TPTE: variants seen among roughly 807,000 people sequenced by gnomAD.
The protein encoded by TPTE is putative tyrosine-protein phosphatase TPTE.
Under a neutral mutation model 84.1 loss-of-function variants are expected in TPTE, and 59 were observed. The ratio of observed to expected loss-of-function variants is 0.70; its 90% CI spans 0.57 to 0.87. TPTE has a LOEUF of 0.87. TPTE is among the 40% of genes least tolerant of loss of function. TPTE has a pLI of 0.00. For missense variants in TPTE, 382 were observed against 659.6 expected, an observed-to-expected ratio of 0.58 and a Z score of 4.61; for synonymous variants, 130 against 223.5, an observed-to-expected ratio of 0.58 and a Z score of 3.73.
rs558887706 is a variant in TPTE, at chr21:10,549,619, A to G, written c.174-3038A>G. ...AGAAATAATTTCTGAACTTGAAGACAAGTCTTTTGAAATAACACAGACAGG... is the reference window on the plus strand; with the variant it reads ...AGAAATAATTTCTGAACTTGAAGACGAGTCTTTTGAAATAACACAGACAGG... On this transcript the variant is annotated intron_variant, in intron 7 of 23. Transcript: ENST00000618007. Among the ~76,000 whole-genome samples the G allele has an allele frequency of 2.0e-5, 3 of 152,418 alleles. No homozygotes were observed. In the East Asian group the frequency reaches 5.8e-4, roughly 29 times the overall value.
intron 17 of TPTE, among the ~76,000 whole-genome samples, chr21:10,587,786 G>A (rs2075393411): frequency 6.6e-6 from 1 of 152,308 alleles, no homozygotes; most frequent in Non-Finnish European, 1.5e-5. Flanking sequence ...CTGACCTCAG[G>A]TGATCCACCC....
At chr21:10,584,912 G>GTGTA (rs2075335748) in intron 17 of TPTE, among the ~76,000 whole-genome samples, 1 of 152,156 alleles carries the variant, frequency 6.6e-6, no homozygotes, top group Non-Finnish European at 1.5e-5. Context: ...GTGTGTGTGT[G>GTGTA]TGTATTAGTG....
chr21:10,549,562 A>G (rs1359180101), intron 7 of TPTE, among the ~76,000 whole-genome samples: 3 of 152,306 alleles, frequency 2.0e-5, no homozygotes, highest in Non-Finnish European at 4.4e-5. Context: ...GAAAAAATAC[A>G]ATCAATGGCT....
chr21:10,533,909 G>T (rs2074224085), intron 3 of TPTE, among the ~76,000 whole-genome samples: 1 of 152,312 alleles, frequency 6.6e-6, no homozygotes, highest in Admixed American at 6.5e-5. Flanking sequence ...AATGTGGCCA[G>T]ACAGCATTAT....
intron 3 of TPTE, among the ~76,000 whole-genome samples, chr21:10,534,189 A>T (rs960369296): frequency 2.0e-5 from 3 of 152,424 alleles, no homozygotes; most frequent in African/African-American, 7.2e-5. Flanking sequence ...TTAAACAACT[A>T]TATCACCTTG....
At chr21:10,564,006 TAGCAG>T (rs2074862470) in intron 10 of TPTE, among the ~76,000 whole-genome samples, 1 of 152,298 alleles carries the variant, frequency 6.6e-6, no homozygotes, top group African/African-American at 2.4e-5. Flanking sequence ...ATGCAAAAAT[TAGCAG>T]GGTGTGGTGG....
intron 1 of TPTE, among the ~76,000 whole-genome samples, chr21:10,523,491 C>T (rs570979819): frequency 6.7e-6 from 1 of 149,600 alleles, no homozygotes; most frequent in Admixed American, 6.8e-5. Flanking sequence ...TGATGTTCCC[C>T]TTCCTGGGTC....
chr21:10,594,608 C>T, intron 19 of TPTE, among the ~76,000 whole-genome samples: 1 of 152,312 alleles, frequency 6.6e-6, no homozygotes, highest in East Asian at 1.9e-4. Flanking sequence ...AATCTAGTGG[C>T]AGAAGCTAAC....
At chr21:10,594,701 C>G (rs1444073118) in intron 19 of TPTE, among the ~76,000 whole-genome samples, 1 of 152,310 alleles carries the variant, frequency 6.6e-6, no homozygotes, top group Non-Finnish European at 1.5e-5. Flanking sequence ...CATAGTTTCC[C>G]TAACTGTAGT....
intron 3 of TPTE, among the ~76,000 whole-genome samples, chr21:10,534,455 GT>G (rs1264811422): frequency 6.6e-6 from 1 of 152,300 alleles, no homozygotes; most frequent in African/African-American, 2.4e-5. Flanking sequence ...TGTTTGTTTT[GT>G]TTTTTTTAGA....
chr21:10,589,608 C>T (rs1256556379), intron 17 of TPTE, among the ~76,000 whole-genome samples: 1 of 152,306 alleles, frequency 6.6e-6, no homozygotes, highest in Non-Finnish European at 1.5e-5. Flanking sequence ...CACAAAGTCT[C>T]CAAGTCTCTT....
At chr21:10,545,170 A>T (rs2074441918) in intron 7 of TPTE, among the ~76,000 whole-genome samples, 1 of 152,310 alleles carries the variant, frequency 6.6e-6, no homozygotes, top group South Asian at 2.1e-4. Context: ...TGTGTGGTAG[A>T]GTCATCAATG....
At chr21:10,523,312 T>TA (rs1555884900) in intron 1 of TPTE, among the ~76,000 whole-genome samples, 2,282 of 151,192 alleles carry the variant, frequency 0.015, no homozygotes, top group African/African-American at 0.053. Flanking sequence ...GTATTTTTTT[T>TA]ATTATACTTT....
At chr21:10,535,786 G>A (rs2074256100) in intron 3 of TPTE, among the ~76,000 whole-genome samples, 1 of 152,426 alleles carries the variant, frequency 6.6e-6, no homozygotes, top group African/African-American at 2.4e-5. Context: ...CACCATGTGA[G>A]GCTGGTGCCC....
chr21:10,553,113 A>G (rs1047547273), intron 8 of TPTE, among the ~76,000 whole-genome samples: 10 of 151,030 alleles, frequency 6.6e-5, no homozygotes, highest in African/African-American at 2.5e-4. Context: ...TATTGATAGC[A>G]AAAGCAAACA....
chr21:10,580,770 T>A (rs1455352951), intron 17 of TPTE, among the ~76,000 whole-genome samples: 1 of 152,310 alleles, frequency 6.6e-6, no homozygotes. Flanking sequence ...CCTTTTAGAT[T>A]AAGGGAGCCA....
chr21:10,605,549 T>TAGC lies in TPTE; in HGVS notation c.1653_1654insAGC. On this transcript the variant is annotated inframe_insertion, in exon 24 of 24. Transcript: ENST00000618007. ...CCAGTGATGTTGTAGCTGGATCCGATTAAGTATAGCTCCCCCTTCCCCTTC... is the reference window on the plus strand; with the variant it reads ...CCAGTGATGTTGTAGCTGGATCCGATAGCTAAGTATAGCTCCCCCTTCCCCTTC... The TAGC allele has an allele frequency of 6.2e-7, 1 of 1,613,904 alleles. No homozygotes were observed. The highest frequency in any genetic ancestry group is 1.3e-5 in the African/African-American group (1 of 74,962).
chr21:10,548,956 C>T (rs879596519), intron 7 of TPTE, among the ~76,000 whole-genome samples: 21 of 152,418 alleles, frequency 1.4e-4, no homozygotes, highest in South Asian at 1.0e-3. Flanking sequence ...CCATGGCCAG[C>T]GGCATAAAGC....
chr21:10,526,538 C>T (rs1204792343), intron 2 of TPTE, among the ~76,000 whole-genome samples: 1 of 152,308 alleles, frequency 6.6e-6, no homozygotes, highest in Non-Finnish European at 1.5e-5. Context: ...CAGTTGTTAT[C>T]AGCAGCAAAA....
Sources: gnomAD v4.1 joint callset for allele counts (sites outside exome capture counted in the v4.1 genomes callset) on GRCh38, gnomAD v4.1.1 for gene constraint, MANE v1.5 for transcripts, NCBI Gene and HGNC (gene_info 2026-07-23, HGNC 2026-07-21) for gene names.